TINAG: variants seen among roughly 807,000 people sequenced by gnomAD.
TINAG encodes the protein tubulointerstitial nephritis antigen.
A neutral mutation model predicts 72.7 loss-of-function variants in TINAG; 83 were observed. That is an observed-to-expected ratio of 1.14 (90% CI 0.96 to 1.37). The LOEUF (loss-of-function observed/expected upper bound fraction) is 1.37, where lower values mean the gene tolerates loss of function less well. TINAG is among the 40% of genes most tolerant of loss of function. TINAG has a pLI of 0.00. For missense variants in TINAG, 685 were observed against 576.6 expected (o/e 1.19, Z -1.93); for synonymous variants, 234 against 189.9 (o/e 1.23, Z -1.91).
At chr6:54,327,958 C>A (rs898123626) in intron 4 of TINAG, among the ~76,000 whole-genome samples, 1 of 152,180 alleles carries the variant, frequency 6.6e-6, no homozygotes, top group Non-Finnish European at 1.5e-5. Context: ...AGAAAGGCAG[C>A]AGCTCCAGTC....
At chr6:54,380,429 G>T (rs985860521) in intron 9 of TINAG, 97 bp from the exon 10 acceptor site, 1 of 995,080 alleles carries the variant, frequency 1.0e-6, no homozygotes, top group Non-Finnish European at 1.5e-6. Context: ...CAGAGAGAAA[G>T]CACAAAAGAT....
intron 9 of TINAG, among the ~76,000 whole-genome samples, chr6:54,355,913 G>A (rs907342852): frequency 1.3e-5 from 2 of 151,810 alleles, no homozygotes; most frequent in Admixed American, 6.6e-5. Context: ...AGGAAAACAA[G>A]ATAGTGCAGT....
In TINAG at chr6:54,354,574, C is replaced by T. The variant is rs1432195223; in HGVS notation, c.1188C>T (p.Thr396=). The T allele has an allele frequency of 3.7e-6, 6 of 1,610,192 alleles. No homozygotes were observed. Among genetic ancestry groups the T allele is most frequent in the Admixed American group, 1.7e-5 (1 of 59,616 alleles). ...AGACAGGGATATACAGACATGTTAC[C>T]AGCACAAATAAAGAATCAGAAAAAT... ...HYKTGIYRHV[T]STNKESEKYR... Residue 396 remains threonine (T), a synonymous_variant, in exon 9 of 11, where the codon ACC becomes ACT. Transcript: ENST00000259782.
At chr6:54,345,505 G>A (rs1045054018) in intron 5 of TINAG, among the ~76,000 whole-genome samples, 5 of 152,002 alleles carry the variant, frequency 3.3e-5, no homozygotes, top group Admixed American at 3.3e-4. Context: ...TCCAACTTCT[G>A]GATTACTGTT....
rs1183015848 is a variant in TINAG at position 54,308,586 on chromosome 6, T to C, written c.36T>C (p.Tyr12=). The C allele has an allele frequency of 3.1e-6, 5 of 1,612,956 alleles. No homozygotes were observed. The highest frequency in any genetic ancestry group is 1.3e-5 in the African/African-American group (1 of 74,770). The change falls in exon 1 of 11, where the codon TAT becomes TAC. Residue 12 remains tyrosine (Y), a synonymous_variant. Transcript: ENST00000259782. ...WTGYKILIFS[Y]LTTEIWMEKQ... The stretch of plus-strand genomic sequence containing the variant: ...GATATAAGATCTTAATCTTCTCTTA[T>C]CTTACTACAGAAATCTGGATGGAGA...
rs564930939 is a variant in TINAG, at chr6:54,388,814, T to TA, written c.1297-967dup. On this transcript the variant is annotated intron_variant, in intron 10 of 10. Coordinates refer to ENST00000259782, the MANE Select transcript of TINAG (RefSeq NM_014464.4). ...ATTTTTGCATTTTAGAAAGAGGAAT[T>TA]AAAAAAAAAACAAAACTAATTCCTG... 3.0e-3 allele frequency among the ~76,000 whole-genome samples: 448 copies of TA among 147,880 alleles called. 4 individuals carry two copies. The highest frequency in any genetic ancestry group is 8.4e-3 in the South Asian group (39 of 4,630).
chr6:54,372,335 C>T (rs1432664227), intron 9 of TINAG, among the ~76,000 whole-genome samples: 9 of 151,862 alleles, frequency 5.9e-5, no homozygotes. Flanking sequence ...TTTTGGGATG[C>T]CTGTGAAATA....
chr6:54,310,273 T>C (rs1582687900), intron 1 of TINAG, among the ~76,000 whole-genome samples: 1 of 151,958 alleles, frequency 6.6e-6, no homozygotes, highest in Non-Finnish European at 1.5e-5. Context: ...TTTGTAAATG[T>C]GGGGTCTTGC....
chr6:54,378,194 T>C (rs1401772370), intron 9 of TINAG, among the ~76,000 whole-genome samples: 2 of 152,212 alleles, frequency 1.3e-5, no homozygotes, highest in Non-Finnish European at 1.5e-5. Context: ...ATATTTTCTT[T>C]TCATTTGAAT....
rs1001763589 is a variant in TINAG, at chr6:54,330,367, A to G, written c.624+3451A>G. Among the ~76,000 whole-genome samples the G allele has an allele frequency of 9.9e-5, 15 of 152,212 alleles. 1 individual carries two copies. Among genetic ancestry groups the G allele is most frequent in the Admixed American group, 9.2e-4 (14 of 15,286 alleles). On this transcript the variant is annotated intron_variant, in intron 4 of 10. Coordinates refer to ENST00000259782, the MANE Select transcript of TINAG (RefSeq NM_014464.4). ...TTCCTGAATGACTACTGGGTAAATA[A>G]CAAAATTAAGTCAGAAATAAATAAG...
chr6:54,364,392 C>T (rs1029318092), intron 9 of TINAG, among the ~76,000 whole-genome samples: 2 of 151,206 alleles, frequency 1.3e-5, no homozygotes, highest in African/African-American at 4.9e-5. Context: ...ACTAAAATGA[C>T]AGAAAGACTG....
chr6:54,357,015 A>T (rs183508801), intron 9 of TINAG, among the ~76,000 whole-genome samples: 6 of 151,804 alleles, frequency 4.0e-5, no homozygotes, highest in Non-Finnish European at 5.9e-5. Flanking sequence ...TTTGCCTGGA[A>T]TCACTTTCAG....
At chr6:54,329,198 GA>G (rs1408225363) in intron 4 of TINAG, among the ~76,000 whole-genome samples, 1 of 151,930 alleles carries the variant, frequency 6.6e-6, no homozygotes, top group Non-Finnish European at 1.5e-5. Flanking sequence ...TAAAATGAAG[GA>G]AAAAATGTTA....
Position 54,347,448 on chromosome 6 carries a change from G to A in TINAG, c.830G>A (p.Cys277Tyr), listed in dbSNP as rs745449531. 13 of 1,613,184 alleles carry A rather than the reference G, an allele frequency of 8.1e-6. No individual in the cohort carries two copies. The highest frequency in any genetic ancestry group is 1.7e-5 in the Admixed American group (1 of 59,894). The change falls in exon 6 of 11, where the codon TGT (cysteine) becomes TAT (tyrosine). Residue 277 changes from cysteine to tyrosine, a missense_variant. Cys to Tyr is a radical substitution (Grantham distance 194). Transcript: ENST00000259782. ...NLSPQNLISC[C>Y]AKNRHGCNSG... ...TCCCCTCAGAATTTGATCTCTTGCT[G>A]TGCCAAGAACCGTCATGGATGCAAT...
intron 1 of TINAG, among the ~76,000 whole-genome samples, chr6:54,315,122 T>C (rs1470130436): frequency 6.6e-6 from 1 of 152,178 alleles, no homozygotes; most frequent in Non-Finnish European, 1.5e-5. Flanking sequence ...AACTTTCCTC[T>C]GAGATTCTAT....
At position 54,342,969 on chromosome 6, in the gene TINAG, T is replaced by C. The variant is rs16885241; in HGVS notation, c.625-257T>C. 9.2e-3 allele frequency among the ~76,000 whole-genome samples: 1,408 copies of C among 152,268 alleles called. 32 individuals carry two copies. Among genetic ancestry groups the C allele is most frequent in the East Asian group, 0.053 (274 of 5,174 alleles). On this transcript the variant is annotated intron_variant, in intron 4 of 10. Coordinates refer to ENST00000259782, the MANE Select transcript of TINAG (RefSeq NM_014464.4). ...GTGATAGAAACATTGGCTGATATTA[T>C]TGCACTGTGCAGTAACCCAGTAAAA...
chr6:54,344,751 T>C (rs1191350407), intron 5 of TINAG, among the ~76,000 whole-genome samples: 1 of 152,158 alleles, frequency 6.6e-6, no homozygotes, highest in Non-Finnish European at 1.5e-5. Context: ...TCAGGATTGT[T>C]CCCCTACCTA....
chr6:54,366,597 A>G (rs1421678362), intron 9 of TINAG, among the ~76,000 whole-genome samples: 1 of 140,926 alleles, frequency 7.1e-6, no homozygotes, highest in African/African-American at 2.5e-5. Context: ...AGAGGGAGGG[A>G]GGGAGGGAGA....
At position 54,354,722 on chromosome 6, in the gene TINAG, C is replaced by A. The variant is rs748387733; in HGVS notation, c.1250+86C>A. ...ATGCAGTGTTTTAAATGCTAGAATC[C>A]CCTTTGTAGGAGAGATTGTGATACA... is the stretch of plus-strand genomic sequence containing the variant. On this transcript the variant is annotated intron_variant, in intron 9 of 10. Transcript: ENST00000259782. The A allele has an allele frequency of 6.1e-5, 83 of 1,362,564 alleles. 1 individual carries two copies. The highest frequency in any genetic ancestry group is 8.0e-5 in the Non-Finnish European group (80 of 1,001,218). The allele number at this position is 1,362,564 out of a possible 1,614,324, so 84.4% of individuals were successfully genotyped here. A position where few individuals can be genotyped will look rare whatever the true frequency, so the allele number is the denominator to read the frequency against.
Sources: gnomAD v4.1 joint callset for allele counts (sites outside exome capture counted in the v4.1 genomes callset) on GRCh38, gnomAD v4.1.1 for gene constraint, MANE v1.5 for transcripts, NCBI Gene and HGNC (gene_info 2026-07-23, HGNC 2026-07-21) for gene names.